B4GALT1: variants seen among roughly 807,000 people sequenced by gnomAD.
The protein encoded by B4GALT1 is beta-1,4-galactosyltransferase 1, also known as N-acetyllactosamine synthase.
In B4GALT1, 16 loss-of-function variants were observed where a neutral mutation model predicts 34.9. The ratio of observed to expected loss-of-function variants is 0.46; its 90% CI spans 0.31 to 0.70. The LOEUF (loss-of-function observed/expected upper bound fraction) is 0.70, where lower values mean the gene tolerates loss of function less well. Ranked by LOEUF, B4GALT1 falls within the 30% of genes least tolerant of loss-of-function variation. The probability of loss-of-function intolerance (pLI) is 0.05; values close to 1 mark genes in which losing one functional copy is unlikely to be tolerated. For missense variants in B4GALT1, 445 were observed against 530.5 expected, an observed-to-expected ratio of 0.84 and a Z score of 1.58; for synonymous variants, 221 against 218.1, an observed-to-expected ratio of 1.01 and a Z score of -0.12.
chr9:33,125,145 C>T (rs1840072855), intron 2 of B4GALT1, among the ~76,000 whole-genome samples: 1 of 152,134 alleles, frequency 6.6e-6, no homozygotes, highest in African/African-American at 2.4e-5. Flanking sequence ...GCAGAGACTG[C>T]CACAAGATGG....
At chr9:33,169,439 A>G (rs1166007632), upstream of B4GALT1, among the ~76,000 whole-genome samples, 1 of 152,010 alleles carries the variant, frequency 6.6e-6, no homozygotes, top group Non-Finnish European at 1.5e-5. Flanking sequence ...GGTCTCTTAA[A>G]TGTCACCTTA....
chr9:33,159,437 A>C (rs1377827633), intron 1 of B4GALT1, among the ~76,000 whole-genome samples: 2 of 152,148 alleles, frequency 1.3e-5, no homozygotes, highest in East Asian at 3.9e-4. Flanking sequence ...CTAGCACTCC[A>C]GGCTTTGTGC....
intron 2 of B4GALT1, among the ~76,000 whole-genome samples, chr9:33,130,642 A>G (rs2067749): frequency 0.11 from 16,480 of 150,906 alleles, 1,040 homozygotes; most frequent in African/African-American, 0.15. Flanking sequence ...TAGACAGAGT[A>G]TGAGTCATAA....
At chr9:33,153,369 A>C (rs1231145705) in intron 1 of B4GALT1, among the ~76,000 whole-genome samples, 1 of 152,210 alleles carries the variant, frequency 6.6e-6, no homozygotes, top group Non-Finnish European at 1.5e-5. Context: ...GAATGAAAGA[A>C]TAAAGATTAG....
intron 2 of B4GALT1, among the ~76,000 whole-genome samples, chr9:33,123,917 T>C (rs765902329): frequency 2.0e-5 from 3 of 152,164 alleles, no homozygotes; most frequent in African/African-American, 4.8e-5. Flanking sequence ...AGACTTAAAA[T>C]TGGTCAGGCA....
intron 1 of B4GALT1, among the ~76,000 whole-genome samples, chr9:33,146,398 A>G (rs1458426245): frequency 1.3e-5 from 2 of 152,220 alleles, no homozygotes; most frequent in Non-Finnish European, 2.9e-5. Context: ...AGCTTCTCAG[A>G]AAGGTTTAGA....
intron 3 of B4GALT1, among the ~76,000 whole-genome samples, chr9:33,117,640 A>C (rs1839959903): frequency 6.6e-6 from 1 of 152,234 alleles, no homozygotes; most frequent in Non-Finnish European, 1.5e-5. Flanking sequence ...ACCATACAGA[A>C]CATATGAAAA....
chr9:33,162,359 A>C (rs1840687127), intron 1 of B4GALT1, among the ~76,000 whole-genome samples: 1 of 152,170 alleles, frequency 6.6e-6, no homozygotes, highest in Non-Finnish European at 1.5e-5. Context: ...AGCACTGTTC[A>C]ATTATGCCTC....
chr9:33,161,812 A>C (rs1210523289), intron 1 of B4GALT1, among the ~76,000 whole-genome samples: 1 of 152,202 alleles, frequency 6.6e-6, no homozygotes, highest in Admixed American at 6.5e-5. Context: ...GCTTCTTCAT[A>C]GTAAGAGCAG....
In B4GALT1 at chr9:33,111,790, T is replaced by C. The variant is rs16918998; in HGVS notation, c.*1664A>G. 11,011 of 152,516 alleles carry C rather than the reference T, an allele frequency of 0.072. 406 individuals carry two copies. Among genetic ancestry groups the C allele is most frequent in the East Asian group, 0.11 (584 of 5,164 alleles). 9.4% of individuals were successfully genotyped at this position (152,516 alleles called of 1,614,324 possible). ...CGCTCAGTGGTAGGAGTGCCTTGTGTCATCTCATCCCAGGTGGCTCAATAG... is the reference window on the plus strand; with the variant it reads ...CGCTCAGTGGTAGGAGTGCCTTGTGCCATCTCATCCCAGGTGGCTCAATAG... On this transcript the variant is annotated 3_prime_UTR_variant, in exon 6 of 6. Coordinates refer to ENST00000379731, the MANE Select transcript of B4GALT1 (RefSeq NM_001497.4).
the B4GALT1 span, among the ~76,000 whole-genome samples, chr9:33,177,155 C>T: frequency 6.6e-6 from 1 of 152,092 alleles, no homozygotes; most frequent in Admixed American, 6.5e-5. Context: ...AGTAAGTTGG[C>T]ATTTTGAACA....
At chr9:33,136,940 A>AG (rs1266555203) in intron 1 of B4GALT1, among the ~76,000 whole-genome samples, 2 of 152,124 alleles carry the variant, frequency 1.3e-5, no homozygotes, top group Non-Finnish European at 2.9e-5. Flanking sequence ...CAACAGCTTG[A>AG]GAAAAAAAGC....
chr9:33,113,087 A>G lies in B4GALT1; in HGVS notation c.*367T>C. 3.5e-6 allele frequency: 1 copy of G among 285,426 alleles called. No homozygotes were observed. The highest frequency in any genetic ancestry group is 6.9e-6 in the Non-Finnish European group (1 of 145,768). 17.7% of individuals were successfully genotyped at this position (285,426 alleles called of 1,614,324 possible). ...CTCTCCGAATTTTCACGAATAAGAAAACCATAATTTAAAGAAAAATTCTAA... is the reference window on the plus strand; with the variant it reads ...CTCTCCGAATTTTCACGAATAAGAAGACCATAATTTAAAGAAAAATTCTAA... On this transcript the variant is annotated 3_prime_UTR_variant, in exon 6 of 6. Coordinates refer to ENST00000379731, the MANE Select transcript of B4GALT1 (RefSeq NM_001497.4).
At chr9:33,134,064 C>G (rs1840231517) in intron 2 of B4GALT1, among the ~76,000 whole-genome samples, 1 of 152,176 alleles carries the variant, frequency 6.6e-6, no homozygotes, top group Non-Finnish European at 1.5e-5. Context: ...AAATTGTTCC[C>G]TGGGAAGGTC....
upstream of B4GALT1, among the ~76,000 whole-genome samples, chr9:33,168,256 C>T (rs754699404): frequency 6.6e-6 from 1 of 152,156 alleles, no homozygotes; most frequent in Non-Finnish European, 1.5e-5. Flanking sequence ...ACAGGTTTAC[C>T]CTTTGTTGAT....
At chr9:33,178,222 G>A in the B4GALT1 span, among the ~76,000 whole-genome samples, 3 of 151,872 alleles carry the variant, frequency 2.0e-5, no homozygotes, top group Non-Finnish European at 4.4e-5. Flanking sequence ...AAACTCCTGG[G>A]GTCAAGCTTT....
chr9:33,132,704 A>C (rs1840211890), intron 2 of B4GALT1, among the ~76,000 whole-genome samples: 1 of 152,158 alleles, frequency 6.6e-6, no homozygotes, highest in Admixed American at 6.5e-5. Context: ...ATAGGAATTT[A>C]AGCTGATGGC....
intron 2 of B4GALT1, among the ~76,000 whole-genome samples, chr9:33,123,450 A>G (rs1249067001): frequency 6.6e-6 from 1 of 152,160 alleles, no homozygotes; most frequent in East Asian, 1.9e-4. Context: ...ACAATCTTGT[A>G]ACAACCCTCA....
At chr9:33,151,575 T>C (rs1008580053) in intron 1 of B4GALT1, among the ~76,000 whole-genome samples, 2 of 152,240 alleles carry the variant, frequency 1.3e-5, no homozygotes, top group Non-Finnish European at 2.9e-5. Context: ...GGGATAATTA[T>C]GCCTTCCTTT....
Sources: gnomAD v4.1 joint callset for allele counts (sites outside exome capture counted in the v4.1 genomes callset) on GRCh38, gnomAD v4.1.1 for gene constraint, MANE v1.5 for transcripts, NCBI Gene and HGNC (gene_info 2026-07-23, HGNC 2026-07-21) for gene names.